The following AP1B1 variants were observed in gnomAD, a reference collection of about 807,000 sequenced individuals.
AP1B1 encodes AP-1 complex subunit beta-1.
A neutral mutation model predicts 104.3 loss-of-function variants in AP1B1; 36 were observed. That is an observed-to-expected ratio of 0.35 (90% CI 0.26 to 0.46). The LOEUF (loss-of-function observed/expected upper bound fraction) is 0.46. Ranked by LOEUF, AP1B1 falls within the 20% of genes least tolerant of loss-of-function variation. The pLI, the probability that AP1B1 is intolerant of heterozygous loss-of-function variation, is 1.00. For missense variants in AP1B1, 901 were observed against 1,247.9 expected (o/e 0.72, Z 4.19); for synonymous variants, 504 against 517.5 (o/e 0.97, Z 0.35).
At chr22:29,378,589 G>A (rs1379226464) in intron 1 of AP1B1, among the ~76,000 whole-genome samples, 1 of 147,754 alleles carries the variant, frequency 6.8e-6, no homozygotes, top group Non-Finnish European at 1.5e-5. Context: ...GCCGGGCGCA[G>A]TGGCTCACGC....
At position 29,328,519 on chromosome 22, in the gene AP1B1, CT is replaced by C; in HGVS notation, c.*301del. On this transcript the variant is annotated 3_prime_UTR_variant, in exon 23 of 23. Coordinates refer to ENST00000357586, the MANE Select transcript of AP1B1 (RefSeq NM_001127.4). The surrounding 1 kb of genome is among the most constrained non-coding windows in gnomAD (Gnocchi z 4.1). ...CGGAGGGGCAAGCTCCACACTCACC[CT>C]TCAGGCACAGCTTCTGTGGCTGCTC... 2.8e-6 allele frequency: 1 copy of C among 356,402 alleles called. No individual in the cohort carries two copies. The highest frequency in any genetic ancestry group is 3.3e-5 in the South Asian group (1 of 30,242). 22.1% of individuals were successfully genotyped at this position (356,402 alleles called of 1,614,324 possible).
At chr22:29,358,374 A>C (rs2061992057) in intron 5 of AP1B1, among the ~76,000 whole-genome samples, 1 of 152,244 alleles carries the variant, frequency 6.6e-6, no homozygotes, top group African/African-American at 2.4e-5. Context: ...TAGAAGGGGA[A>C]GGAGGGCACT....
intron 1 of AP1B1, among the ~76,000 whole-genome samples, chr22:29,387,757 C>T (rs918826771): frequency 1.3e-5 from 2 of 152,210 alleles, no homozygotes; most frequent in African/African-American, 4.8e-5. Flanking sequence ...CTCTGTGCCT[C>T]AGGGTCCTCA....
Position 29,330,196 on chromosome 22 carries a change from C to G in AP1B1, c.2766+182G>C, listed in dbSNP as rs1025137324. On this transcript the variant is annotated intron_variant, in intron 21 of 22. Transcript: ENST00000357586. ...TTCCGAGACCCAATTGGTGTCTTATCTGGGTAACCTGACGGGGTTGATTTG... is the reference window on the plus strand; with the variant it reads ...TTCCGAGACCCAATTGGTGTCTTATGTGGGTAACCTGACGGGGTTGATTTG... The G allele has an allele frequency of 1.9e-5, 28 of 1,453,596 alleles. No homozygotes were observed. In the African/African-American group the frequency reaches 3.7e-4, roughly 19 times the overall value. 90.0% of individuals were successfully genotyped at this position (1,453,596 alleles called of 1,614,324 possible).
chr22:29,386,867 A>C (rs893093243), intron 1 of AP1B1, among the ~76,000 whole-genome samples: 1 of 152,230 alleles, frequency 6.6e-6, no homozygotes, highest in South Asian at 2.1e-4. Context: ...CTAGTCCTCC[A>C]GCCACCAAAC....
At chr22:29,338,629 A>C (rs1376036012) in intron 16 of AP1B1, among the ~76,000 whole-genome samples, 2 of 152,162 alleles carry the variant, frequency 1.3e-5, no homozygotes, top group Non-Finnish European at 2.9e-5. Flanking sequence ...TATGATGACT[A>C]AGGGGTGCTG....
intron 1 of AP1B1, among the ~76,000 whole-genome samples, chr22:29,381,796 G>A (rs1374416532): frequency 6.6e-6 from 1 of 151,914 alleles, no homozygotes; most frequent in Non-Finnish European, 1.5e-5. Context: ...AGAAGGTGGG[G>A]GGCTCTGGCA....
Position 29,334,313 on chromosome 22 carries a change from T to C in AP1B1, c.2261A>G (p.Lys754Arg). 1 of 1,610,476 alleles carries C rather than the reference T, an allele frequency of 6.2e-7. No individual in the cohort carries two copies. Among genetic ancestry groups the C allele is most frequent in the African/African-American group, 1.3e-5 (1 of 74,778 alleles). Residue 754 changes from lysine to arginine, a missense_variant, in exon 17 of 23, where the codon AAG becomes AGG. By Grantham distance (26) the Lys-to-Arg change is conservative. Transcript: ENST00000357586. ...SISMDLQLTN[K>R]ALQVMTDFAI... ...AAAGTCGGTCATGACCTGCAAGGCC[T>C]TGTTGGTCAGCTGCAGGTCCATGGA... is the stretch of plus-strand genomic sequence containing the variant.
chr22:29,357,711 G>A (rs1214779061), intron 5 of AP1B1, among the ~76,000 whole-genome samples: 1 of 117,486 alleles, frequency 8.5e-6, no homozygotes, highest in Non-Finnish European at 1.7e-5. Context: ...TTTTTGAGAC[G>A]GAGTCTAGCT....
At chr22:29,341,914 AG>A (rs1188497946) in intron 12 of AP1B1, among the ~76,000 whole-genome samples, 154 bp from the exon 13 acceptor site, 1 of 152,192 alleles carries the variant, frequency 6.6e-6, no homozygotes, top group African/African-American at 2.4e-5. Flanking sequence ...TACCACCTAC[AG>A]GGCCATGCCC....
intron 1 of AP1B1, among the ~76,000 whole-genome samples, chr22:29,381,403 C>T (rs761089013): frequency 2.0e-5 from 3 of 152,202 alleles, no homozygotes; most frequent in African/African-American, 7.2e-5. Context: ...ATATTCCTGA[C>T]TCCTAGGCTG....
chr22:29,364,656 C>T (rs1317430501), intron 2 of AP1B1, among the ~76,000 whole-genome samples: 1 of 151,252 alleles, frequency 6.6e-6, no homozygotes, highest in African/African-American at 2.4e-5. Context: ...TCTCGTGATC[C>T]GCCCGCCTTG....
At position 29,340,861 on chromosome 22, in the gene AP1B1, C is replaced by A; in HGVS notation, c.1797-4G>T. 1 of 1,587,828 alleles carries A rather than the reference C, an allele frequency of 6.3e-7. No homozygotes were observed. Among genetic ancestry groups the A allele is most frequent in the Non-Finnish European group, 8.6e-7 (1 of 1,169,266 alleles). ...AGGGCTCTCTGCGCTCTCACTCCTG[C>A]CGGGACACAGAAGTAGGGTGGAGGC... On this transcript the variant is annotated splice_polypyrimidine_tract_variant and splice_region_variant and intron_variant, in intron 13 of 22. Coordinates refer to ENST00000357586, the MANE Select transcript of AP1B1 (RefSeq NM_001127.4).
intron 1 of AP1B1, among the ~76,000 whole-genome samples, chr22:29,383,327 G>A (rs2062466814): frequency 6.6e-6 from 1 of 152,152 alleles, no homozygotes; most frequent in South Asian, 2.1e-4. Flanking sequence ...GGAGGGTGTG[G>A]TAAAAAGTAT....
Position 29,351,159 on chromosome 22 carries a change from C to G in AP1B1, c.1155+12G>C, listed in dbSNP as rs1407732634. ...TCCTTCTCCAGCCAAGGACAGAGTC[C>G]CAGAGCCTCACCTCCACCTTGATGG... On this transcript the variant is annotated intron_variant, in intron 9 of 22. Transcript: ENST00000357586. The G allele has an allele frequency of 6.2e-7, 1 of 1,604,534 alleles. No individual in the cohort carries two copies. The highest frequency in any genetic ancestry group is 1.3e-5 in the African/African-American group (1 of 74,756).
At chr22:29,373,015 T>C (rs984842640) in intron 1 of AP1B1, among the ~76,000 whole-genome samples, 2 of 152,202 alleles carry the variant, frequency 1.3e-5, no homozygotes, top group East Asian at 3.8e-4. Context: ...CCGGGTGTTG[T>C]GGGTCACACC....
At chr22:29,362,670 A>G (rs576278654) in intron 3 of AP1B1, among the ~76,000 whole-genome samples, 2 of 152,262 alleles carry the variant, frequency 1.3e-5, no homozygotes, top group Admixed American at 6.5e-5. Context: ...TTTAAAAACC[A>G]GAAGACCTGG....
At chr22:29,373,902 A>G (rs577809630) in intron 1 of AP1B1, among the ~76,000 whole-genome samples, 12 of 138,672 alleles carry the variant, frequency 8.7e-5, no homozygotes, top group African/African-American at 3.1e-4. Context: ...ACTCGGTCTG[A>G]AAAAAAAAAA....
intron 5 of AP1B1, among the ~76,000 whole-genome samples, chr22:29,357,696 T>G (rs2061982172): frequency 6.7e-6 from 1 of 149,228 alleles, no homozygotes. Flanking sequence ...CTGTTTTTTT[T>G]TTTTTTTTTG....
Sources: gnomAD v4.1 joint callset for allele counts (sites outside exome capture counted in the v4.1 genomes callset) on GRCh38, gnomAD v4.1.1 for gene constraint, Gnocchi (gnomAD v3.1) non-coding constraint, MANE v1.5 for transcripts, NCBI Gene and HGNC (gene_info 2026-07-23, HGNC 2026-07-21) for gene names.